The following KATNAL2 variants were observed in gnomAD, a reference collection of about 807,000 sequenced individuals.
The protein encoded by KATNAL2 is katanin catalytic subunit A1 like 2, also known as katanin p60 ATPase-containing subunit A-like 2.
KATNAL2 carries 52 observed loss-of-function variants against 76.3 expected under a neutral mutation model. That is an observed-to-expected ratio of 0.68 (90% CI 0.55 to 0.86). KATNAL2 has a LOEUF of 0.86. KATNAL2 is among the 40% of genes least tolerant of loss of function. KATNAL2 has a pLI of 0.00. For missense variants in KATNAL2, 660 were observed against 668.9 expected, an observed-to-expected ratio of 0.99 and a Z score of 0.15; for synonymous variants, 243 against 244.2, an observed-to-expected ratio of 1.00 and a Z score of 0.05.
At chr18:47,068,149 G>A (rs2061873113) in intron 11 of KATNAL2, among the ~76,000 whole-genome samples, 1 of 152,212 alleles carries the variant, frequency 6.6e-6, no homozygotes, top group Admixed American at 6.5e-5. Context: ...AAGTCACAGG[G>A]CCAGGCCCAG....
chr18:47,084,075 A>G (rs1157090302), intron 15 of KATNAL2, among the ~76,000 whole-genome samples: 2 of 152,232 alleles, frequency 1.3e-5, no homozygotes, highest in African/African-American at 4.8e-5. Context: ...GTTCTGATTC[A>G]CTTGCAGGGG....
chr18:46,961,630 T>A (rs887141047), intron 3 of KATNAL2, among the ~76,000 whole-genome samples: 1 of 152,224 alleles, frequency 6.6e-6, no homozygotes, highest in Non-Finnish European at 1.5e-5. Flanking sequence ...CTGCCAAACC[T>A]ATACAGGCAT....
At chr18:47,062,379 A>C (rs1036176833) in intron 8 of KATNAL2, among the ~76,000 whole-genome samples, 1 of 151,896 alleles carries the variant, frequency 6.6e-6, no homozygotes. Context: ...CTGTCTCTTA[A>C]AGGAAAAAAA....
Position 46,935,632 on chromosome 18 carries a change from A to G in KATNAL2, c.-509-10425A>G, listed in dbSNP as rs370111990. On this transcript the variant is annotated intron_variant, in intron 1 of 17. Coordinates refer to ENST00000683218, the MANE Select transcript of KATNAL2 (RefSeq NM_001387690.1). ...AAGTTTACATTGAAAAAGAAAAAAA[A>G]AGAGCCCGGGCATGGTGGCTCACAC... 1.7e-4 allele frequency among the ~76,000 whole-genome samples: 26 copies of G among 151,782 alleles called. No homozygotes were observed. In the East Asian group the frequency reaches 5.0e-3, roughly 29 times the overall value.
At chr18:46,936,666 T>C (rs1302257360) in intron 1 of KATNAL2, among the ~76,000 whole-genome samples, 2 of 152,110 alleles carry the variant, frequency 1.3e-5, no homozygotes, top group Non-Finnish European at 2.9e-5. Flanking sequence ...TATCCAAATT[T>C]ATGGGCCAGA....
intron 6 of KATNAL2, among the ~76,000 whole-genome samples, chr18:47,056,518 C>T (rs1218189830): frequency 6.6e-6 from 1 of 152,138 alleles, no homozygotes; most frequent in Non-Finnish European, 1.5e-5. Flanking sequence ...TTCAGTTCAC[C>T]CTCTAAAGGG....
intron 8 of KATNAL2, among the ~76,000 whole-genome samples, chr18:47,060,920 G>A (rs376032193): frequency 2.6e-5 from 4 of 152,202 alleles, no homozygotes; most frequent in African/African-American, 7.2e-5. Context: ...TGTGGCATAA[G>A]TTTCTCTTGT....
At chr18:47,045,631 G>C (rs1300438017) in intron 3 of KATNAL2, among the ~76,000 whole-genome samples, 1 of 152,100 alleles carries the variant, frequency 6.6e-6, no homozygotes, top group Non-Finnish European at 1.5e-5. Context: ...CCATTGAAAA[G>C]TGTTTCTATG....
chr18:46,941,160 AT>A (rs1305217390), intron 1 of KATNAL2, among the ~76,000 whole-genome samples: 2 of 151,996 alleles, frequency 1.3e-5, no homozygotes, highest in Non-Finnish European at 2.9e-5. Flanking sequence ...CCCATCTCTA[AT>A]AAAAATACAA....
At chr18:46,961,650 C>A (rs1396437053) in intron 3 of KATNAL2, among the ~76,000 whole-genome samples, 1 of 152,188 alleles carries the variant, frequency 6.6e-6, no homozygotes, top group African/African-American at 2.4e-5. Context: ...TATGTGCCAA[C>A]GTTGTCACAT....
At chr18:47,069,641 G>A in intron 13 of KATNAL2, 41 bp downstream of exon 13, 1 of 1,319,118 alleles carries the variant, frequency 7.6e-7, no homozygotes, top group Non-Finnish European at 1.1e-6. Flanking sequence ...AAGTTCTAGT[G>A]TAATACAGTG....
At position 47,041,101 on chromosome 18, in the gene KATNAL2, G is replaced by A. The variant is rs542795050; in HGVS notation, c.52-5356G>A. Reference sequence around the variant, plus strand: ...TAGATTCACAGCCAAATTGAACAAAGTATAGAGAATTCCCACGTACCTCTC... The same window carrying A: ...TAGATTCACAGCCAAATTGAACAAAATATAGAGAATTCCCACGTACCTCTC... On this transcript the variant is annotated intron_variant, in intron 3 of 17. Transcript: ENST00000683218. Among the ~76,000 whole-genome samples, 30 of 152,298 alleles carry A rather than the reference G, an allele frequency of 2.0e-4. No individual in the cohort carries two copies. The East Asian group carries it at 5.6e-3, about 28-fold the overall frequency.
intron 11 of KATNAL2, among the ~76,000 whole-genome samples, chr18:47,068,990 C>T (rs562668416): frequency 1.3e-5 from 2 of 152,226 alleles, no homozygotes; most frequent in South Asian, 4.1e-4. Flanking sequence ...AAAATTGGTC[C>T]TTTAAAAAGC....
At chr18:46,941,639 A>AG (rs2059249356) in intron 1 of KATNAL2, among the ~76,000 whole-genome samples, 1 of 152,142 alleles carries the variant, frequency 6.6e-6, no homozygotes, top group South Asian at 2.1e-4. Context: ...ACTCCTGTTG[A>AG]GTAGTTGGGA....
At chr18:47,044,275 A>G (rs2061074568) in intron 3 of KATNAL2, among the ~76,000 whole-genome samples, 1 of 152,186 alleles carries the variant, frequency 6.6e-6, no homozygotes, top group Non-Finnish European at 1.5e-5. Context: ...ATTCAAAGCT[A>G]TCCTGGGCCA....
chr18:46,952,389 G>T (rs1198945807), intron 3 of KATNAL2, among the ~76,000 whole-genome samples: 3 of 133,516 alleles, frequency 2.2e-5, no homozygotes, highest in Non-Finnish European at 4.7e-5. Context: ...CAGCCTGCAG[G>T]TATGTTTTTT....
intron 3 of KATNAL2, among the ~76,000 whole-genome samples, chr18:46,960,870 A>G (rs1291337435): frequency 6.6e-6 from 1 of 152,232 alleles, no homozygotes; most frequent in African/African-American, 2.4e-5. Context: ...AAAACCCCTC[A>G]GACACCGGGT....
chr18:47,033,150 G>C (rs1164494549), intron 3 of KATNAL2: 1 of 1,614,088 alleles, frequency 6.2e-7, no homozygotes. Context: ...GCTTCTCAGG[G>C]AGCCAGCGAA....
At chr18:46,962,035 G>C (rs1414151738) in intron 3 of KATNAL2, among the ~76,000 whole-genome samples, 1 of 152,160 alleles carries the variant, frequency 6.6e-6, no homozygotes, top group Non-Finnish European at 1.5e-5. Flanking sequence ...TTGTATGTTA[G>C]TCCTTCCAAA....
Sources: allele counts gnomAD v4.1 joint callset (sites outside exome capture counted in the v4.1 genomes callset), GRCh38; gene constraint gnomAD v4.1.1; transcripts MANE v1.5; gene names NCBI Gene and HGNC (gene_info 2026-07-23, HGNC 2026-07-21).